Variants in ARL14EP observed in about 807,000 individuals in gnomAD.
ARL14EP encodes the protein ARL14 effector protein.
Under a neutral mutation model 23.1 loss-of-function variants are expected in ARL14EP, and 12 were observed. The observed-to-expected ratio is 0.52, with a 90% confidence interval of 0.33 to 0.84. The LOEUF is 0.84. ARL14EP is among the 40% of genes least tolerant of loss of function. ARL14EP has a pLI of 0.02. For synonymous variants in ARL14EP, 97 were observed against 102.0 expected (o/e 0.95, Z 0.29); for missense variants, 253 against 307.3 (o/e 0.82, Z 1.32).
intron 3 of ARL14EP, among the ~76,000 whole-genome samples, chr11:30,333,800 G>A (rs1360758805): frequency 6.6e-6 from 1 of 152,158 alleles, no homozygotes. Flanking sequence ...AGCTGAGACA[G>A]GCCAAAAGCT....
intron 2 of ARL14EP, among the ~76,000 whole-genome samples, chr11:30,332,315 TC>T (rs1241057689): frequency 6.6e-6 from 1 of 151,160 alleles, no homozygotes; most frequent in Non-Finnish European, 1.5e-5. Context: ...ATTGTAGATG[TC>T]TTCACCTTAT....
intron 1 of ARL14EP, among the ~76,000 whole-genome samples, chr11:30,326,151 T>G (rs1285596639): frequency 6.6e-6 from 1 of 152,214 alleles, no homozygotes; most frequent in Non-Finnish European, 1.5e-5. Flanking sequence ...CTATCTTCTA[T>G]AAAATATAGA....
At chr11:30,328,612 T>G (rs1417070433) in intron 1 of ARL14EP, 4 of 152,232 alleles carry the variant, frequency 2.6e-5, no homozygotes, top group Non-Finnish European at 1.5e-5. Flanking sequence ...TTTAACACTT[T>G]AAAGTGTATT....
At chr11:30,330,655 T>C in intron 1 of ARL14EP, 1 of 315,896 alleles carries the variant, frequency 3.2e-6, no homozygotes, top group Non-Finnish European at 5.9e-6. Context: ...TCCTCCTTTT[T>C]AATTCTTATG....
intron 3 of ARL14EP, 143 bp downstream of exon 3, chr11:30,333,136 T>G: frequency 1.8e-6 from 2 of 1,098,378 alleles, no homozygotes; most frequent in Non-Finnish European, 2.6e-6. Context: ...TGAAGGCCTT[T>G]GTTTTTATTC....
Position 30,330,953 on chromosome 11 carries a change from T to A in ARL14EP, c.5T>A (p.Met2Lys). ...GAAAATTTGCTAGAATCAAGAATGA[T>A]GGATCCATGTTCAGTTGGAGTCCAG... M[M>K]DPCSVGVQLR... Residue 2 changes from methionine (M) to lysine (K), a missense_variant, in exon 2 of 4, where the codon ATG (methionine) becomes AAG (lysine). Met to Lys is a moderately conservative substitution (Grantham distance 95). Coordinates refer to ENST00000282032, the MANE Select transcript of ARL14EP (RefSeq NM_152316.3). The A allele has an allele frequency of 6.2e-7, 1 of 1,613,636 alleles. No homozygotes were observed. The highest frequency in any genetic ancestry group is 8.5e-7 in the Non-Finnish European group (1 of 1,179,698).
At chr11:30,336,197 T>C (rs1220963330) in intron 3 of ARL14EP, among the ~76,000 whole-genome samples, 2 of 152,086 alleles carry the variant, frequency 1.3e-5, no homozygotes, top group Non-Finnish European at 2.9e-5. Context: ...TCTATAGAGG[T>C]GGTATACTAT....
At chr11:30,323,602 G>T (rs1947213274) in intron 1 of ARL14EP, among the ~76,000 whole-genome samples, 1 of 152,176 alleles carries the variant, frequency 6.6e-6, no homozygotes, top group South Asian at 2.1e-4. Context: ...AACCCTGGCC[G>T]TTTGAGGCCA....
chr11:30,336,571 G>T lies in ARL14EP; in HGVS notation c.559G>T (p.Val187Leu), dbSNP rs749535612. 2 of 1,611,404 alleles carry T rather than the reference G, an allele frequency of 1.2e-6. No homozygotes were observed. Among genetic ancestry groups the T allele is most frequent in the Non-Finnish European group, 1.7e-6 (2 of 1,178,044 alleles). Reference sequence around the variant, plus strand: ...TCATTGTGTTTTATTTTACAGACAAGTGATACCAGCAAAGAGTAAGGTCTA... The same window carrying T: ...TCATTGTGTTTTATTTTACAGACAATTGATACCAGCAAAGAGTAAGGTCTA... ...KNATAGSDRQ[V>L]IPAKSKVYDS... The change falls in exon 4 of 4, where the codon GTG becomes TTG. Residue 187 changes from valine to leucine, a missense_variant. Transcript: ENST00000282032.
At chr11:30,331,802 T>C in intron 2 of ARL14EP, 1 of 993,824 alleles carries the variant, frequency 1.0e-6, no homozygotes, top group South Asian at 4.6e-5. Context: ...ATTAGAGAGG[T>C]GACTTACAGT....
intron 1 of ARL14EP, among the ~76,000 whole-genome samples, chr11:30,326,148 C>G (rs1222214): frequency 0.16 from 24,754 of 152,134 alleles, 2,317 homozygotes; most frequent in East Asian, 0.23. Flanking sequence ...TTGCTATCTT[C>G]TATAAAATAT....
intron 3 of ARL14EP, among the ~76,000 whole-genome samples, chr11:30,334,505 C>T (rs537947269): frequency 5.8e-4 from 88 of 152,192 alleles, no homozygotes; most frequent in African/African-American, 2.1e-3. Flanking sequence ...TGAGCCACCA[C>T]GCCCAGCCAA....
chr11:30,325,180 T>G (rs1947227722), intron 1 of ARL14EP, among the ~76,000 whole-genome samples: 1 of 152,210 alleles, frequency 6.6e-6, no homozygotes, highest in African/African-American at 2.4e-5. Context: ...GATCTAATAG[T>G]AGATCTGAGA....
chr11:30,333,928 T>C (rs1426099022), intron 3 of ARL14EP, among the ~76,000 whole-genome samples: 1 of 152,146 alleles, frequency 6.6e-6, no homozygotes, highest in Non-Finnish European at 1.5e-5. Context: ...TTATTGCTAA[T>C]ATGGAGAAAC....
chr11:30,330,760 A>G, intron 1 of ARL14EP, 126 bp from the exon 2 acceptor site: 1 of 602,000 alleles, frequency 1.7e-6, no homozygotes, highest in Non-Finnish European at 2.9e-6. Flanking sequence ...CTATTATAAG[A>G]CTTCGATAAA....
intron 1 of ARL14EP, among the ~76,000 whole-genome samples, chr11:30,327,738 C>G (rs961170688): frequency 6.8e-5 from 10 of 147,282 alleles, no homozygotes; most frequent in African/African-American, 2.5e-4. Flanking sequence ...GCAGGCGGAT[C>G]ACGAGGTCAG....
chr11:30,330,306 C>T (rs1024624374), intron 1 of ARL14EP: 7 of 152,354 alleles, frequency 4.6e-5, no homozygotes, highest in African/African-American at 1.7e-4. Context: ...TTCATATAGA[C>T]CAGCTTGCTA....
In ARL14EP at chr11:30,331,489, A is replaced by C; in HGVS notation, c.426+115A>C. The stretch of plus-strand genomic sequence containing the variant: ...TAAATTTGTTAGCATACAGTGAATT[A>C]AAAGGAGGGGTGAAAGTGGATGATG... On this transcript the variant is annotated intron_variant, in intron 2 of 3. Coordinates refer to ENST00000282032, the MANE Select transcript of ARL14EP (RefSeq NM_152316.3). 5.2e-6 allele frequency: 8 copies of C among 1,532,204 alleles called. No homozygotes were observed. The South Asian group carries it at 9.8e-5, about 19-fold the overall frequency. 94.9% of individuals were successfully genotyped at this position (1,532,204 alleles called of 1,614,324 possible).
At chr11:30,329,677 T>G (rs1947267023) in intron 1 of ARL14EP, 1 of 152,122 alleles carries the variant, frequency 6.6e-6, no homozygotes, top group Non-Finnish European at 1.5e-5. Context: ...CTAGGAACTA[T>G]GGGGGAAACA....
Sources: allele counts gnomAD v4.1 joint callset (sites outside exome capture counted in the v4.1 genomes callset), GRCh38; gene constraint gnomAD v4.1.1; transcripts MANE v1.5; gene names NCBI Gene and HGNC (gene_info 2026-07-23, HGNC 2026-07-21).